LRIT3: variants seen among roughly 807,000 people sequenced by gnomAD.
LRIT3 encodes the protein leucine rich repeat, Ig-like and transmembrane domains 3, also known as leucine-rich repeat, immunoglobulin-like domain and transmembrane domain-containing protein 3.
LRIT3 carries 14 observed loss-of-function variants against 22.6 expected under a neutral mutation model. The observed-to-expected ratio is 0.62, with a 90% CI of 0.41 to 0.97. The LOEUF is 0.97. Ranked by LOEUF, LRIT3 falls within the 50% of genes least tolerant of loss-of-function variation. The pLI is 0.00. For missense variants in LRIT3, 783 were observed against 803.0 expected (o/e 0.98, Z 0.30); for synonymous variants, 306 against 304.5 (o/e 1.01, Z -0.05).
chr4:109,852,094 C>G (rs561234163), intron 2 of LRIT3, 118 bp downstream of exon 2: 18 of 881,466 alleles, frequency 2.0e-5, no homozygotes, highest in Non-Finnish European at 3.1e-5. Flanking sequence ...TGCACTTTTA[C>G]TGGAATAGTA....
Position 109,867,963 on chromosome 4 carries a change from G to T in LRIT3, c.895+17G>T, listed in dbSNP as rs760879429. On this transcript the variant is annotated intron_variant, in intron 3 of 3. Transcript: ENST00000594814. ...ATTATACAGGTATTTTCTTAATTCA[G>T]CCCCATGATCAAAGGAGTTTACTAA... 4.3e-5 allele frequency: 68 copies of T among 1,595,672 alleles called. No homozygotes were observed. The African/African-American group carries it at 7.1e-4, about 17-fold the overall frequency.
At position 109,871,421 on chromosome 4, in the gene LRIT3, G is replaced by T. The variant is rs1203857266; in HGVS notation, c.*632G>T. On this transcript the variant is annotated 3_prime_UTR_variant, in exon 4 of 4. Transcript: ENST00000594814. The stretch of plus-strand genomic sequence containing the variant: ...AAAGTAAGTATACAAAGAGGATTAT[G>T]ACAAATAGACCATTTCTTTAAAAAT... 6.6e-6 allele frequency: 1 copy of T among 152,148 alleles called. No individual in the cohort carries two copies. Among genetic ancestry groups the T allele is most frequent in the African/African-American group, 2.4e-5 (1 of 41,414 alleles). 9.4% of individuals were successfully genotyped at this position (152,148 alleles called of 1,614,324 possible).
chr4:109,870,035 G>T lies in LRIT3; in HGVS notation c.1286G>T (p.Ser429Ile). ...TVSSTTTLST[S>I]ISASTTMANK... is the part of the protein sequence containing the mutation. ...TCTTCAACCACAACTCTGAGCACAA[G>T]CATCTCAGCAAGTACCACCATGGCC... The change falls in exon 4 of 4, where the codon AGC becomes ATC. Residue 429 changes from serine (S) to isoleucine (I), a missense_variant. Physicochemically the swap from Ser to Ile is moderately radical, Grantham distance 142. Transcript: ENST00000594814. 6.2e-7 allele frequency: 1 copy of T among 1,614,038 alleles called. No individual in the cohort carries two copies. Among genetic ancestry groups the T allele is most frequent in the Non-Finnish European group, 8.5e-7 (1 of 1,180,016 alleles).
chr4:109,856,005 A>G lies in LRIT3; in HGVS notation c.589+4029A>G, dbSNP rs56209098. ...CCATATGAACAGGCACCCCTCATGCATCCATTTATAGGCTCTCCACAAGGG... is the reference window on the plus strand; with the variant it reads ...CCATATGAACAGGCACCCCTCATGCGTCCATTTATAGGCTCTCCACAAGGG... On this transcript the variant is annotated intron_variant, in intron 2 of 3. Transcript: ENST00000594814. 7.6e-3 allele frequency among the ~76,000 whole-genome samples: 1,159 copies of G among 152,256 alleles called. 9 individuals carry two copies. The highest frequency in any genetic ancestry group is 0.027 in the African/African-American group (1,106 of 41,558).
chr4:109,848,612 C>T (rs189988966), intron 1 of LRIT3, among the ~76,000 whole-genome samples: 9 of 152,132 alleles, frequency 5.9e-5, no homozygotes, highest in South Asian at 2.1e-4. Context: ...TGAGATCAAA[C>T]GATTTAAAGG....
chr4:109,870,861 G>A lies in LRIT3; in HGVS notation c.*72G>A. ...GGTATAATTGACCCTAGGTTTGGAT[G>A]ACTTTTGGACAGACTTTCACATTGT... On this transcript the variant is annotated 3_prime_UTR_variant, in exon 4 of 4. Coordinates refer to ENST00000594814, the MANE Select transcript of LRIT3 (RefSeq NM_198506.5). The A allele has an allele frequency of 6.9e-7, 1 of 1,444,188 alleles. No individual in the cohort carries two copies. Among genetic ancestry groups the A allele is most frequent in the Non-Finnish European group, 9.3e-7 (1 of 1,079,092 alleles). 89.5% of individuals were successfully genotyped at this position (1,444,188 alleles called of 1,614,324 possible).
At chr4:109,865,232 A>G (rs1051083145) in intron 2 of LRIT3, 2 of 1,541,656 alleles carry the variant, frequency 1.3e-6, no homozygotes, top group African/African-American at 1.4e-5. Flanking sequence ...CACAGAATTA[A>G]CTAATGGTTG....
intron 2 of LRIT3, among the ~76,000 whole-genome samples, chr4:109,861,483 G>T (rs1022487078): frequency 4.0e-5 from 6 of 148,684 alleles, no homozygotes; most frequent in Admixed American, 3.4e-4. Context: ...AACACTTAAT[G>T]TTGTTGGTCT....
At chr4:109,861,684 A>G (rs1457548916) in intron 2 of LRIT3, among the ~76,000 whole-genome samples, 1 of 152,148 alleles carries the variant, frequency 6.6e-6, no homozygotes, top group African/African-American at 2.4e-5. Context: ...TTTATTGAAT[A>G]TAAGTCTTTT....
At chr4:109,860,664 T>A (rs1734514540) in intron 2 of LRIT3, among the ~76,000 whole-genome samples, 1 of 152,240 alleles carries the variant, frequency 6.6e-6, no homozygotes, top group Non-Finnish European at 1.5e-5. Context: ...ATCATCAAGA[T>A]ACAGAATATT....
chr4:109,861,262 C>T (rs1459739450), intron 2 of LRIT3, among the ~76,000 whole-genome samples: 1 of 151,464 alleles, frequency 6.6e-6, no homozygotes, highest in African/African-American at 2.4e-5. Context: ...CCCAGCTACT[C>T]AGGTGAGGTA....
chr4:109,869,423 A>G (rs114192211), intron 3 of LRIT3, among the ~76,000 whole-genome samples: 44 of 152,310 alleles, frequency 2.9e-4, no homozygotes, highest in Non-Finnish European at 4.9e-4. Flanking sequence ...TTTTAAAAAT[A>G]CTATTCCCTG....
rs1734718492 is a variant in LRIT3 at position 109,867,743 on chromosome 4, C to T, written c.692C>T (p.Thr231Ile). The change falls in exon 3 of 4, where the codon ACT becomes ATT. Residue 231 changes from threonine (T) to isoleucine (I), a missense_variant. By Grantham distance (89) the Thr-to-Ile change is moderately conservative. Coordinates refer to ENST00000594814, the MANE Select transcript of LRIT3 (RefSeq NM_198506.5). Reference protein sequence around the residue: ...PAIVLLDPLMTCSEPERLTGI... With the variant: ...PAIVLLDPLMICSEPERLTGI... ...ATAGTGCTTCTGGATCCACTGATGACTTGCAGTGAACCTGAGCGCCTCACA... is the reference window on the plus strand; with the variant it reads ...ATAGTGCTTCTGGATCCACTGATGATTTGCAGTGAACCTGAGCGCCTCACA... The T allele has an allele frequency of 6.2e-7, 1 of 1,614,030 alleles. No individual in the cohort carries two copies. The highest frequency in any genetic ancestry group is 8.5e-7 in the Non-Finnish European group (1 of 1,180,002).
rs1387667091 is a variant in LRIT3, at chr4:109,871,555, T to C, written c.*766T>C. The C allele has an allele frequency of 1.3e-5, 2 of 152,230 alleles. No homozygotes were observed. The highest frequency in any genetic ancestry group is 4.8e-5 in the African/African-American group (2 of 41,462). The allele number at this position is 152,230 out of a possible 1,614,324, so 9.4% of individuals were successfully genotyped here. A position where few individuals can be genotyped will look rare whatever the true frequency, so the allele number is the denominator to read the frequency against. ...CTGTTTGCTCTTATGTTCTCCCTTCTTTCTTCCTTCCTTGTCTTCCCTCCC... is the reference window on the plus strand; with the variant it reads ...CTGTTTGCTCTTATGTTCTCCCTTCCTTCTTCCTTCCTTGTCTTCCCTCCC... On this transcript the variant is annotated 3_prime_UTR_variant, in exon 4 of 4. Transcript: ENST00000594814.
Position 109,870,100 on chromosome 4 carries a change from A to C in LRIT3, c.1351A>C (p.Asn451His). ...SFQLHQGGKR[N>H]LKVAKNGSKL... ...CCAGCTCCACCAAGGTGGGAAAAGA[A>C]ATTTAAAGGTGGCAAAGAATGGAAG... Residue 451 changes from asparagine to histidine, a missense_variant, in exon 4 of 4, where the codon AAT becomes CAT. Transcript: ENST00000594814. 6.2e-7 allele frequency: 1 copy of C among 1,614,176 alleles called. No homozygotes were observed. Among genetic ancestry groups the C allele is most frequent in the Non-Finnish European group, 8.5e-7 (1 of 1,180,010 alleles).
At chr4:109,849,159 T>C (rs1734148558) in intron 1 of LRIT3, among the ~76,000 whole-genome samples, 1 of 152,200 alleles carries the variant, frequency 6.6e-6, no homozygotes, top group Non-Finnish European at 1.5e-5. Flanking sequence ...AACAAATAAA[T>C]AATAATAAAT....
chr4:109,855,961 GTTT>G (rs1734391256), intron 2 of LRIT3, among the ~76,000 whole-genome samples: 3 of 152,066 alleles, frequency 2.0e-5, no homozygotes, highest in Admixed American at 2.0e-4. Flanking sequence ...AGATGAGGGC[GTTT>G]ATAGCCCTAT....
chr4:109,862,895 T>C (rs1373736754), intron 2 of LRIT3, among the ~76,000 whole-genome samples: 1 of 152,144 alleles, frequency 6.6e-6, no homozygotes, highest in Non-Finnish European at 1.5e-5. Flanking sequence ...GATCTTGCCA[T>C]GTTGCACAGG....
At chr4:109,854,603 C>G (rs182041921) in intron 2 of LRIT3, among the ~76,000 whole-genome samples, 9 of 152,270 alleles carry the variant, frequency 5.9e-5, no homozygotes, top group Non-Finnish European at 1.2e-4. Context: ...GCTTCCAATA[C>G]TGTGTTGAAT....
Sources: gnomAD v4.1 joint callset for allele counts (sites outside exome capture counted in the v4.1 genomes callset) on GRCh38, gnomAD v4.1.1 for gene constraint, MANE v1.5 for transcripts, NCBI Gene and HGNC (gene_info 2026-07-23, HGNC 2026-07-21) for gene names.